The following MACROD2 variants were observed in gnomAD, a reference collection of about 807,000 sequenced individuals.
MACROD2 encodes mono-ADP ribosylhydrolase 2.
Under a neutral mutation model 70.4 loss-of-function variants are expected in MACROD2, and 36 were observed. The observed-to-expected ratio is 0.51, with a 90% confidence interval of 0.39 to 0.68. MACROD2 has a LOEUF of 0.68. Among genes scored for constraint, MACROD2 ranks in the 30% least tolerant of loss-of-function variants. The pLI, the probability that MACROD2 is intolerant of heterozygous loss-of-function variation, is 0.00. For missense variants in MACROD2, 496 were observed against 538.4 expected, an observed-to-expected ratio of 0.92 and a Z score of 0.78; for synonymous variants, 172 against 178.8, an observed-to-expected ratio of 0.96 and a Z score of 0.30.
At chr20:15,491,322 A>G in intron 7 of MACROD2, among the ~76,000 whole-genome samples, 1 of 152,314 alleles carries the variant, frequency 6.6e-6, no homozygotes, top group African/African-American at 2.4e-5. Context: ...CATGTGCTAG[A>G]GGTTACAAGT....
intron 8 of MACROD2, among the ~76,000 whole-genome samples, chr20:15,556,269 G>A (rs891493655): frequency 3.3e-5 from 5 of 152,128 alleles, no homozygotes; most frequent in African/African-American, 7.2e-5. Context: ...TGAGAGGCTC[G>A]TTCATTTATG....
At chr20:15,237,522 A>T (rs1055293623) in intron 6 of MACROD2, among the ~76,000 whole-genome samples, 19 of 146,978 alleles carry the variant, frequency 1.3e-4, no homozygotes, top group Non-Finnish European at 2.6e-4. Context: ...GATTTTTTTT[A>T]AATTGATGTG....
At chr20:15,412,744 A>G (rs1347198048) in intron 6 of MACROD2, among the ~76,000 whole-genome samples, 1 of 152,214 alleles carries the variant, frequency 6.6e-6, no homozygotes, top group Non-Finnish European at 1.5e-5. Flanking sequence ...TGGGAATCTC[A>G]GGAATTACTA....
chr20:15,375,879 C>G (rs1449168628), intron 6 of MACROD2, among the ~76,000 whole-genome samples: 2 of 152,124 alleles, frequency 1.3e-5, no homozygotes, highest in African/African-American at 4.8e-5. Flanking sequence ...GGTTATCCAG[C>G]TAATCACTAT....
chr20:14,940,837 A>G (rs374752100), intron 5 of MACROD2, among the ~76,000 whole-genome samples: 1 of 152,252 alleles, frequency 6.6e-6, no homozygotes, highest in East Asian at 1.9e-4. Context: ...TTAATCAGTG[A>G]CATTGGCCTG....
At chr20:15,196,421 A>G (rs1425329949) in intron 5 of MACROD2, among the ~76,000 whole-genome samples, 2 of 152,214 alleles carry the variant, frequency 1.3e-5, no homozygotes, top group Non-Finnish European at 1.5e-5. Flanking sequence ...GCTAAGATAT[A>G]TGGCAATTTT....
chr20:14,180,092 A>G (rs893603251), intron 3 of MACROD2, among the ~76,000 whole-genome samples: 1 of 152,108 alleles, frequency 6.6e-6, no homozygotes, highest in African/African-American at 2.4e-5. Flanking sequence ...CCCCTTCCTC[A>G]ACCTCTGGCA....
chr20:15,085,864 C>T (rs2075743336), intron 5 of MACROD2, among the ~76,000 whole-genome samples: 1 of 124,214 alleles, frequency 8.1e-6, no homozygotes, highest in Admixed American at 9.3e-5. Flanking sequence ...GAATAACACA[C>T]ACACACACAA....
chr20:14,548,377 T>G (rs971023453), intron 4 of MACROD2, among the ~76,000 whole-genome samples: 2 of 152,206 alleles, frequency 1.3e-5, no homozygotes, highest in African/African-American at 4.8e-5. Context: ...TCTTTTTTTT[T>G]CAATCATTTT....
At chr20:15,230,734 T>A (rs73262730) in intron 6 of MACROD2, among the ~76,000 whole-genome samples, 1 of 152,128 alleles carries the variant, frequency 6.6e-6, no homozygotes, top group African/African-American at 2.4e-5. Flanking sequence ...AGGAATTCTC[T>A]TCTAGCTGGA....
chr20:14,794,842 T>A (rs1367767495), intron 5 of MACROD2, among the ~76,000 whole-genome samples: 1 of 151,964 alleles, frequency 6.6e-6, no homozygotes, highest in African/African-American at 2.4e-5. Context: ...AAAACAGCAA[T>A]TAAACACAGA....
At chr20:14,992,617 A>G (rs2074914863) in intron 5 of MACROD2, among the ~76,000 whole-genome samples, 1 of 151,540 alleles carries the variant, frequency 6.6e-6, no homozygotes, top group Non-Finnish European at 1.5e-5. Flanking sequence ...TTCTCCCATT[A>G]TTTCCAGAGA....
At position 15,986,783 on chromosome 20, in the gene MACROD2, T is replaced by TTC; in HGVS notation, c.1042_1043insTC (p.Ser348PhefsTer17). 6.2e-7 allele frequency: 1 copy of TTC among 1,613,004 alleles called. No individual in the cohort carries two copies. Among genetic ancestry groups the TTC allele is most frequent in the Admixed American group, 1.7e-5 (1 of 59,988 alleles). On this transcript the variant is annotated frameshift_variant, in exon 14 of 18. Coordinates refer to ENST00000684519, the MANE Select transcript of MACROD2 (RefSeq NM_001351661.2). LOFTEE classifies it high-confidence loss of function. ...AAAAATTGAAACAGAATCGCAGAGCTCATATATGGAAACAGAAGGTACTGA... is the reference window on the plus strand; with the variant it reads ...AAAAATTGAAACAGAATCGCAGAGCTTCCATATATGGAAACAGAAGGTACTGA...
chr20:14,919,803 T>C (rs1006232730), intron 5 of MACROD2, among the ~76,000 whole-genome samples: 1 of 152,170 alleles, frequency 6.6e-6, no homozygotes, highest in Admixed American at 6.5e-5. Context: ...CAATGAATGA[T>C]GAAGCAAAAT....
Position 15,832,718 on chromosome 20 carries a change from G to A in MACROD2, c.646-30027G>A, listed in dbSNP as rs140739195. On this transcript the variant is annotated intron_variant, in intron 8 of 17. Coordinates refer to ENST00000684519, the MANE Select transcript of MACROD2 (RefSeq NM_001351661.2). ...AAAGCCGAACAGGGCATGGAGCCGA[G>A]GGTGAAGAGACAAGTGACAGGCAAA... Among the ~76,000 whole-genome samples the A allele has an allele frequency of 4.2e-3, 644 of 152,338 alleles. 2 individuals carry two copies. The highest frequency in any genetic ancestry group is 8.3e-3 in the South Asian group (40 of 4,832).
chr20:15,484,730 T>C (rs930609852), intron 7 of MACROD2, among the ~76,000 whole-genome samples: 4 of 152,140 alleles, frequency 2.6e-5, no homozygotes, highest in African/African-American at 7.2e-5. Context: ...CTCCTGGAGG[T>C]AAAAACTCAC....
intron 2 of MACROD2, among the ~76,000 whole-genome samples, chr20:14,079,779 T>G (rs1218427482): frequency 6.6e-6 from 1 of 152,370 alleles, no homozygotes; most frequent in African/African-American, 2.4e-5. Flanking sequence ...AAAGACTTTA[T>G]GGAGTCAATG....
intron 5 of MACROD2, among the ~76,000 whole-genome samples, chr20:15,088,109 A>G (rs2075762441): frequency 6.6e-6 from 1 of 151,874 alleles, no homozygotes; most frequent in African/African-American, 2.4e-5. Context: ...AGATAATAGT[A>G]AAATAAAATA....
intron 3 of MACROD2, among the ~76,000 whole-genome samples, chr20:14,486,715 C>T (rs1268142855): frequency 6.6e-6 from 1 of 151,748 alleles, no homozygotes; most frequent in Non-Finnish European, 1.5e-5. Flanking sequence ...GACGGGGTTT[C>T]ACCATGTTAG....
Sources: gnomAD v4.1 joint callset for allele counts (sites outside exome capture counted in the v4.1 genomes callset) on GRCh38, gnomAD v4.1.1 for gene constraint, MANE v1.5 for transcripts, NCBI Gene and HGNC (gene_info 2026-07-23, HGNC 2026-07-21) for gene names.